Variants in TPO observed in about 807,000 individuals in gnomAD.
TPO encodes the protein thyroid microsomal antigen.
TPO carries 78 observed loss-of-function variants against 96.9 expected under a neutral mutation model. That is an observed-to-expected ratio of 0.81 (90% CI 0.67 to 0.97). The LOEUF is 0.97. TPO is among the 50% of genes least tolerant of loss of function. The pLI, the probability that TPO is intolerant of heterozygous loss-of-function variation, is 0.00. For missense variants in TPO, 1,252 were observed against 1,274.8 expected, an observed-to-expected ratio of 0.98 and a Z score of 0.27; for synonymous variants, 547 against 538.0, an observed-to-expected ratio of 1.02 and a Z score of -0.23.
intron 15 of TPO, among the ~76,000 whole-genome samples, chr2:1,534,500 AGTGTGCAACTTCCCCAAATCCCTCC>A (rs1260733848): frequency 1.3e-3 from 49 of 37,262 alleles, no homozygotes; most frequent in African/African-American, 4.4e-3. Context: ...CCCCCCACGC[AGTGTGCAACTTCCCCAAATCCCTCC>A]CACTCTGTGC....
At chr2:1,443,968 G>A (rs1248179394) in intron 5 of TPO, among the ~76,000 whole-genome samples, 1 of 126,518 alleles carries the variant, frequency 7.9e-6, no homozygotes, top group Admixed American at 8.2e-5. Flanking sequence ...AAGGGAACGG[G>A]GCAGGCTCGT....
intron 3 of TPO, among the ~76,000 whole-genome samples, chr2:1,423,529 A>G (rs1421677215): frequency 6.6e-6 from 1 of 152,194 alleles, no homozygotes; most frequent in Non-Finnish European, 1.5e-5. Context: ...AAAGAATTAA[A>G]TGGGGCTCTC....
Position 1,477,350 on chromosome 2 carries a change from G to C in TPO, c.1084G>C (p.Ala362Pro). ...VHARLRDSGR[A>P]YLPFVPPRAP... is the part of the protein sequence containing the mutation. ...CGCGCGCCTCCGGGACTCCGGCCGC[G>C]CCTACCTGCCCTTCGTGCCGCCACG... Residue 362 changes from alanine (A) to proline (P), a missense_variant, in exon 8 of 17, where the codon GCC becomes CCC. Coordinates refer to ENST00000329066, the MANE Select transcript of TPO (RefSeq NM_001206744.2). 1 of 1,547,136 alleles carries C rather than the reference G, an allele frequency of 6.5e-7. No individual in the cohort carries two copies. The highest frequency in any genetic ancestry group is 8.7e-7 in the Non-Finnish European group (1 of 1,144,632).
chr2:1,400,980 CTG>C (rs1310804723), intron 1 of TPO, among the ~76,000 whole-genome samples: 2 of 152,154 alleles, frequency 1.3e-5, no homozygotes, highest in Non-Finnish European at 2.9e-5. Context: ...CCTGAAGTAA[CTG>C]TTGTGCGTCA....
intron 12 of TPO, among the ~76,000 whole-genome samples, 162 bp downstream of exon 12, chr2:1,496,359 G>A (rs1041912885): frequency 4.0e-5 from 6 of 151,622 alleles, no homozygotes; most frequent in Non-Finnish European, 8.8e-5. Context: ...GCGGGGCGGG[G>A]CGGGGCCCTT....
At chr2:1,458,649 G>A (rs924654594) in intron 7 of TPO, among the ~76,000 whole-genome samples, 9 of 152,164 alleles carry the variant, frequency 5.9e-5, no homozygotes, top group Admixed American at 2.0e-4. Context: ...TTGTGGGCAC[G>A]TGTGTAAATA....
At chr2:1,516,396 G>A (rs1474528413) in intron 14 of TPO, among the ~76,000 whole-genome samples, 5 of 152,138 alleles carry the variant, frequency 3.3e-5, no homozygotes, top group African/African-American at 7.2e-5. Context: ...CTTCAACCAC[G>A]GTTTCACCTC....
chr2:1,436,602 T>A (rs1017831839), intron 5 of TPO, among the ~76,000 whole-genome samples: 16 of 152,142 alleles, frequency 1.1e-4, no homozygotes, highest in African/African-American at 3.6e-4. Context: ...CAACGTCCCA[T>A]CCACATAGGT....
chr2:1,529,918 A>AC (rs145264507), intron 15 of TPO, among the ~76,000 whole-genome samples: 6,193 of 55,236 alleles, frequency 0.11, 348 homozygotes, highest in Non-Finnish European at 0.12. Flanking sequence ...AACTCCCCAA[A>AC]CCCCCCCCTT....
At chr2:1,375,813 T>C (rs182228881) in intron 1 of TPO, among the ~76,000 whole-genome samples, 1 of 152,282 alleles carries the variant, frequency 6.6e-6, no homozygotes, top group East Asian at 1.9e-4. Context: ...TAAACTCTAG[T>C]TCTGGTTTTT....
intron 7 of TPO, among the ~76,000 whole-genome samples, chr2:1,464,618 G>A (rs971332980): frequency 1.3e-5 from 2 of 152,066 alleles, no homozygotes; most frequent in Non-Finnish European, 2.9e-5. Context: ...AGGTGCTAAT[G>A]TGTTGTGTTT....
intron 7 of TPO, among the ~76,000 whole-genome samples, chr2:1,463,719 G>A (rs966533103): frequency 6.6e-6 from 1 of 152,144 alleles, no homozygotes; most frequent in South Asian, 2.1e-4. Flanking sequence ...AAGTGGGGGT[G>A]CAGGCAGCCC....
chr2:1,446,771 G>T (rs201147258), intron 5 of TPO, among the ~76,000 whole-genome samples: 2 of 152,124 alleles, frequency 1.3e-5, no homozygotes, highest in East Asian at 3.9e-4. Flanking sequence ...AAGAAACGTT[G>T]TTCATATTTT....
intron 5 of TPO, among the ~76,000 whole-genome samples, chr2:1,450,000 G>A (rs1414695263): frequency 6.6e-6 from 1 of 152,164 alleles, no homozygotes; most frequent in Non-Finnish European, 1.5e-5. Context: ...CTGACAGGGT[G>A]TCAGGCGTTT....
chr2:1,486,588 T>C (rs1178301861), intron 9 of TPO, among the ~76,000 whole-genome samples: 2 of 152,204 alleles, frequency 1.3e-5, no homozygotes, highest in African/African-American at 4.8e-5. Flanking sequence ...TCTATAGTTA[T>C]GATCAGCACC....
chr2:1,380,958 G>A (rs1229533336), intron 1 of TPO, among the ~76,000 whole-genome samples: 1 of 152,162 alleles, frequency 6.6e-6, no homozygotes, highest in Non-Finnish European at 1.5e-5. Flanking sequence ...AACAAAGTGA[G>A]AGGAGGTGCC....
At chr2:1,516,395 C>T (rs753691572) in intron 14 of TPO, among the ~76,000 whole-genome samples, 1 of 152,234 alleles carries the variant, frequency 6.6e-6, no homozygotes, top group African/African-American at 2.4e-5. Flanking sequence ...CCTTCAACCA[C>T]GGTTTCACCT....
chr2:1,421,047 G>A (rs1663458965), intron 2 of TPO, among the ~76,000 whole-genome samples: 1 of 152,052 alleles, frequency 6.6e-6, no homozygotes, highest in Non-Finnish European at 1.5e-5. Context: ...CCAAAGGAGG[G>A]TGAGAGGAGA....
chr2:1,477,377 G>A lies in TPO; in HGVS notation c.1111G>A (p.Ala371Thr), dbSNP rs934688438. Residue 371 changes from alanine to threonine, a missense_variant, in exon 8 of 17, where the codon GCG becomes ACG. Transcript: ENST00000329066. ...CTACCTGCCCTTCGTGCCGCCACGCGCGCCTGCGGCCTGTGCGCCCGAGCC... is the reference window on the plus strand; with the variant it reads ...CTACCTGCCCTTCGTGCCGCCACGCACGCCTGCGGCCTGTGCGCCCGAGCC... The part of the protein sequence containing the change: ...RAYLPFVPPR[A>T]PAACAPEPGI... 4 of 1,529,520 alleles carry A rather than the reference G, an allele frequency of 2.6e-6. No homozygotes were observed. Among genetic ancestry groups the A allele is most frequent in the African/African-American group, 1.4e-5 (1 of 72,402 alleles). The allele number at this position is 1,529,520 out of a possible 1,614,324, so 94.7% of individuals were successfully genotyped here.
Sources: allele counts gnomAD v4.1 joint callset (sites outside exome capture counted in the v4.1 genomes callset), GRCh38; gene constraint gnomAD v4.1.1; transcripts MANE v1.5; gene names NCBI Gene and HGNC (gene_info 2026-07-23, HGNC 2026-07-21).